UNC79: variants seen among roughly 807,000 people sequenced by gnomAD.
UNC79 encodes unc-79 subunit of NALCN channel complex.
In UNC79, 37 loss-of-function variants were observed where a neutral mutation model predicts 283.1. The ratio of observed to expected loss-of-function variants is 0.13; its 90% CI spans 0.10 to 0.17. The LOEUF is 0.17. Ranked by LOEUF, UNC79 falls within the 10% of genes least tolerant of loss-of-function variation. The pLI is 1.00. For synonymous variants in UNC79, 1,107 were observed against 1,200.2 expected (o/e 0.92, Z 1.61); for missense variants, 2,272 against 3,211.1 (o/e 0.71, Z 7.07).
At chr14:93,514,424 T>C (rs1327023462) in intron 7 of UNC79, among the ~76,000 whole-genome samples, 1 of 152,206 alleles carries the variant, frequency 6.6e-6, no homozygotes, top group African/African-American at 2.4e-5. Context: ...TCACTAAAGC[T>C]CTTTGCTTTG....
At chr14:93,600,675 C>T in exon 25 of UNC79, 7 of 1,613,906 alleles carry the variant, frequency 4.3e-6, no homozygotes, top group Non-Finnish European at 5.9e-6. Flanking sequence ...GATATTCCTG[C>T]TCTGAGCTGG....
At chr14:93,363,684 TC>T (rs2054269837) in intron 1 of UNC79, among the ~76,000 whole-genome samples, 1 of 152,174 alleles carries the variant, frequency 6.6e-6, no homozygotes, top group Non-Finnish European at 1.5e-5. Context: ...AGTTAGGTCT[TC>T]CTGTTGAATT....
At chr14:93,693,889 T>C (rs959777457) in intron 46 of UNC79, among the ~76,000 whole-genome samples, 2 of 152,232 alleles carry the variant, frequency 1.3e-5, no homozygotes, top group Non-Finnish European at 2.9e-5. Context: ...AATAATATTA[T>C]TTTAAATCAT....
chr14:93,497,295 A>G lies in UNC79; in HGVS notation c.898+9A>G. The G allele has an allele frequency of 6.2e-7, 1 of 1,609,026 alleles. No homozygotes were observed. Among genetic ancestry groups the G allele is most frequent in the Non-Finnish European group, 8.5e-7 (1 of 1,179,242 alleles). ...GGGGTTGCAGTACACAGGTAAGAGGAGAGGAGCCCTGTGATGCCCCATCTG... is the reference window on the plus strand; with the variant it reads ...GGGGTTGCAGTACACAGGTAAGAGGGGAGGAGCCCTGTGATGCCCCATCTG... On this transcript the variant is annotated intron_variant, in intron 7 of 48. Transcript: ENST00000555664.
chr14:93,706,614 A>C (rs2075897667), intron 48 of UNC79, 90 bp from the exon 52 acceptor site: 1 of 1,472,352 alleles, frequency 6.8e-7, no homozygotes, highest in Admixed American at 1.7e-5. Flanking sequence ...GCCAAGCCTA[A>C]ATTCTGCCTG....
intron 1 of UNC79, chr14:93,347,344 C>T (rs900396520): frequency 6.3e-7 from 1 of 1,597,372 alleles, no homozygotes; most frequent in Non-Finnish European, 8.5e-7. Context: ...GCAGCCCGCT[C>T]CCCGCTTCGC....
chr14:93,564,411 G>A (rs1436466931), intron 14 of UNC79, among the ~76,000 whole-genome samples: 5 of 152,238 alleles, frequency 3.3e-5, no homozygotes, highest in Non-Finnish European at 2.9e-5. Flanking sequence ...TCGGCAGGGA[G>A]AGCACGTGTG....
intron 7 of UNC79, among the ~76,000 whole-genome samples, chr14:93,516,915 GATATT>G (rs2060090857): frequency 6.6e-6 from 1 of 151,926 alleles, no homozygotes; most frequent in South Asian, 2.1e-4. Context: ...TTAGTGTACA[GATATT>G]ATATTTTGTT....
chr14:93,368,727 C>T (rs1219752999), intron 1 of UNC79, among the ~76,000 whole-genome samples: 1 of 152,180 alleles, frequency 6.6e-6, no homozygotes, highest in East Asian at 1.9e-4. Context: ...CCGCCTCAGC[C>T]TTCCAAAGTG....
At chr14:93,561,817 A>G (rs2062573496) in intron 14 of UNC79, among the ~76,000 whole-genome samples, 1 of 152,250 alleles carries the variant, frequency 6.6e-6, no homozygotes. Flanking sequence ...GCTTGGAGAA[A>G]CAGTGTAAAC....
At chr14:93,607,643 A>G (rs2065978281) in intron 26 of UNC79, among the ~76,000 whole-genome samples, 1 of 152,172 alleles carries the variant, frequency 6.6e-6, no homozygotes, top group Admixed American at 6.5e-5. Context: ...AGACTTTGCC[A>G]GTTAGGACCC....
At chr14:93,520,399 A>C (rs550870066) in intron 7 of UNC79, among the ~76,000 whole-genome samples, 2 of 151,420 alleles carry the variant, frequency 1.3e-5, no homozygotes, top group Admixed American at 1.3e-4. Flanking sequence ...CTTTGCTTTT[A>C]TCTTGCCTAG....
intron 22 of UNC79, among the ~76,000 whole-genome samples, chr14:93,589,197 T>C (rs2064470526): frequency 6.6e-6 from 1 of 152,146 alleles, no homozygotes; most frequent in Non-Finnish European, 1.5e-5. Context: ...GGGTTTCTTT[T>C]TCTCCGGCGC....
intron 14 of UNC79, among the ~76,000 whole-genome samples, chr14:93,570,133 G>A (rs1276976806): frequency 6.6e-6 from 1 of 152,062 alleles, no homozygotes; most frequent in African/African-American, 2.4e-5. Context: ...ATTTTGTTTA[G>A]ATACAGGGTC....
At chr14:93,670,412 G>A (rs574062784) in intron 40 of UNC79, among the ~76,000 whole-genome samples, 35 of 152,182 alleles carry the variant, frequency 2.3e-4, no homozygotes, top group Non-Finnish European at 4.6e-4. Context: ...TTCCTCTTTG[G>A]GCTCAATTAA....
chr14:93,546,122 G>A (rs1470236830), intron 14 of UNC79, among the ~76,000 whole-genome samples: 2 of 152,164 alleles, frequency 1.3e-5, no homozygotes, highest in Non-Finnish European at 2.9e-5. Flanking sequence ...GATGTTATCC[G>A]CAGGAATAAT....
intron 47 of UNC79, 86 bp from the exon 51 acceptor site, chr14:93,704,539 T>C: frequency 5.5e-6 from 8 of 1,444,052 alleles, no homozygotes; most frequent in Non-Finnish European, 7.8e-6. Flanking sequence ...AGGGATTCAA[T>C]GTGGCCTGTT....
intron 1 of UNC79, among the ~76,000 whole-genome samples, chr14:93,368,405 G>T (rs1163418811): frequency 1.3e-5 from 2 of 152,120 alleles, no homozygotes; most frequent in Non-Finnish European, 2.9e-5. Flanking sequence ...GGGGAGTGGG[G>T]AGAAGGCATT....
chr14:93,386,253 G>A (rs1017364892), intron 1 of UNC79, among the ~76,000 whole-genome samples: 2 of 152,178 alleles, frequency 1.3e-5, no homozygotes, highest in South Asian at 4.2e-4. Flanking sequence ...CCTTCATTCT[G>A]TTCATATGAT....
Sources: gnomAD v4.1 joint callset for allele counts (sites outside exome capture counted in the v4.1 genomes callset) on GRCh38, gnomAD v4.1.1 for gene constraint, MANE v1.5 for transcripts, NCBI Gene and HGNC (gene_info 2026-07-23, HGNC 2026-07-21) for gene names.